Variants in SENP7 observed in about 807,000 individuals in gnomAD.
SENP7 encodes SUMO specific peptidase 7.
Under a neutral mutation model 141.2 loss-of-function variants are expected in SENP7, and 64 were observed. The ratio of observed to expected loss-of-function variants is 0.45; its 90% CI spans 0.37 to 0.56. The LOEUF is 0.56. SENP7 is among the 20% of genes least tolerant of loss of function. The pLI, the probability that SENP7 is intolerant of heterozygous loss-of-function variation, is 0.00. For synonymous variants in SENP7, 382 were observed against 426.4 expected (o/e 0.90, Z 1.28); for missense variants, 1,025 against 1,212.2 (o/e 0.85, Z 2.29).
intron 3 of SENP7, among the ~76,000 whole-genome samples, chr3:101,463,507 C>A (rs1408064460): frequency 2.0e-5 from 3 of 150,572 alleles, no homozygotes; most frequent in Non-Finnish European, 4.4e-5. Flanking sequence ...TTCTCTGCTT[C>A]TCCCACTGAG....
At chr3:101,337,254 C>G in intron 17 of SENP7, 1 of 242,260 alleles carries the variant, frequency 4.1e-6, no homozygotes, top group Admixed American at 5.7e-5. Context: ...CTTCTTTCTT[C>G]CTTGCCCTCC....
chr3:101,414,547 G>A (rs1365213808), intron 5 of SENP7: 2 of 1,603,604 alleles, frequency 1.2e-6, no homozygotes, highest in Non-Finnish European at 1.7e-6. Context: ...GGACGGTTGT[G>A]TGACCAAGTG....
intron 1 of SENP7, among the ~76,000 whole-genome samples, chr3:101,511,009 G>T (rs1407019647): frequency 6.6e-6 from 1 of 152,078 alleles, no homozygotes; most frequent in African/African-American, 2.4e-5. Flanking sequence ...ATTAAGAAAA[G>T]CAGAAGCATA....
At chr3:101,427,366 T>C (rs2061996561) in intron 4 of SENP7, among the ~76,000 whole-genome samples, 1 of 151,870 alleles carries the variant, frequency 6.6e-6, no homozygotes, top group African/African-American at 2.4e-5. Context: ...GGTGCACACC[T>C]TTAGTCTCAG....
intron 3 of SENP7, among the ~76,000 whole-genome samples, chr3:101,486,355 G>A (rs2064729413): frequency 6.6e-6 from 1 of 152,184 alleles, no homozygotes; most frequent in Non-Finnish European, 1.5e-5. Context: ...AGAGCTGTGA[G>A]ACAGAAGCAC....
chr3:101,375,939 G>A (rs1358973041), intron 6 of SENP7, among the ~76,000 whole-genome samples: 1 of 152,136 alleles, frequency 6.6e-6, no homozygotes, highest in East Asian at 1.9e-4. Flanking sequence ...ACAGAAAGTA[G>A]ATTAGAGGCT....
intron 4 of SENP7, among the ~76,000 whole-genome samples, chr3:101,444,998 TAGA>T (rs1244284569): frequency 6.6e-6 from 1 of 152,062 alleles, no homozygotes; most frequent in Non-Finnish European, 1.5e-5. Context: ...TTTTACCAAA[TAGA>T]TTCAATCCAA....
intron 6 of SENP7, among the ~76,000 whole-genome samples, chr3:101,373,710 T>G (rs982279906): frequency 2.0e-5 from 3 of 152,156 alleles, no homozygotes; most frequent in Non-Finnish European, 4.4e-5. Flanking sequence ...TTTCAAAAGG[T>G]AATGTCATAT....
intron 8 of SENP7, among the ~76,000 whole-genome samples, chr3:101,367,376 C>G (rs886772897): frequency 6.6e-6 from 1 of 151,852 alleles, no homozygotes; most frequent in Non-Finnish European, 1.5e-5. Flanking sequence ...TATGATAATT[C>G]TTTACTTAGA....
At chr3:101,381,577 A>C (rs1357858012) in intron 6 of SENP7, among the ~76,000 whole-genome samples, 3 of 152,050 alleles carry the variant, frequency 2.0e-5, no homozygotes, top group Admixed American at 6.5e-5. Context: ...TCAAATTAGG[A>C]AAAAGTTTAA....
intron 6 of SENP7, among the ~76,000 whole-genome samples, chr3:101,393,150 A>G (rs528541924): frequency 6.6e-6 from 1 of 152,340 alleles, no homozygotes; most frequent in South Asian, 2.1e-4. Context: ...TATGCAGAAG[A>G]ATGAAACTAT....
At chr3:101,374,397 G>A (rs2060261535) in intron 6 of SENP7, among the ~76,000 whole-genome samples, 1 of 152,168 alleles carries the variant, frequency 6.6e-6, no homozygotes, top group Admixed American at 6.5e-5. Context: ...AGATTTGGCA[G>A]TGATTTCTTT....
chr3:101,446,941 T>C (rs1018673100), intron 4 of SENP7, among the ~76,000 whole-genome samples: 1 of 150,504 alleles, frequency 6.6e-6, no homozygotes, highest in Admixed American at 6.6e-5. Flanking sequence ...AATGAAGACT[T>C]AAAAAAAATC....
At chr3:101,344,667 T>C (rs952310282) in intron 13 of SENP7, among the ~76,000 whole-genome samples, 3 of 152,158 alleles carry the variant, frequency 2.0e-5, no homozygotes, top group Non-Finnish European at 2.9e-5. Context: ...GTATATTATA[T>C]AGATAAGTGT....
chr3:101,442,935 G>A (rs1376345017), intron 4 of SENP7, among the ~76,000 whole-genome samples: 1 of 152,130 alleles, frequency 6.6e-6, no homozygotes, highest in Non-Finnish European at 1.5e-5. Flanking sequence ...CAGAGGAGAA[G>A]AGATGGGCAA....
chr3:101,381,722 T>C (rs1576165705), intron 6 of SENP7, among the ~76,000 whole-genome samples: 1 of 152,168 alleles, frequency 6.6e-6, no homozygotes, highest in East Asian at 1.9e-4. Flanking sequence ...AACTGACTAA[T>C]GTTTCTAGCA....
intron 6 of SENP7, among the ~76,000 whole-genome samples, chr3:101,379,214 AC>A (rs1375682576): frequency 6.6e-6 from 1 of 152,170 alleles, no homozygotes; most frequent in Non-Finnish European, 1.5e-5. Context: ...CTTACCTAAC[AC>A]CATATACAAT....
chr3:101,341,822 T>G (rs1370024516), intron 14 of SENP7, 43 bp from the exon 15 acceptor site: 2 of 1,523,786 alleles, frequency 1.3e-6, no homozygotes, highest in Non-Finnish European at 1.8e-6. Flanking sequence ...ACATCATAAC[T>G]TTCAAAAGAA....
intron 1 of SENP7, among the ~76,000 whole-genome samples, chr3:101,506,019 A>ATT (rs143265103): frequency 0.17 from 23,443 of 141,700 alleles, 2,705 homozygotes; most frequent in Admixed American, 0.32. Flanking sequence ...TTTATTCCAT[A>ATT]ATTTTTTTTT....
Sources: allele counts gnomAD v4.1 joint callset (sites outside exome capture counted in the v4.1 genomes callset), GRCh38; gene constraint gnomAD v4.1.1; transcripts MANE v1.5; gene names NCBI Gene and HGNC (gene_info 2026-07-23, HGNC 2026-07-21).